Variants in PHF20 observed in about 807,000 individuals in gnomAD.
PHF20 encodes the protein PHD finger protein 20, also known as glioma-expressed antigen 2.
A neutral mutation model predicts 113.5 loss-of-function variants in PHF20; 23 were observed. That is an observed-to-expected ratio of 0.20 (90% confidence interval 0.15 to 0.29). The LOEUF is 0.29. Ranked by LOEUF, PHF20 falls within the 10% of genes least tolerant of loss-of-function variation. PHF20 has a pLI of 1.00. For missense variants in PHF20, 943 were observed against 1,219.6 expected (o/e 0.77, Z 3.38); for synonymous variants, 434 against 457.3 (o/e 0.95, Z 0.65).
At chr20:35,834,529 G>C (rs943408160) in intron 2 of PHF20, among the ~76,000 whole-genome samples, 3 of 152,026 alleles carry the variant, frequency 2.0e-5, no homozygotes, top group African/African-American at 7.2e-5. Flanking sequence ...GGGATTACAG[G>C]TGTGAGCCAC....
At chr20:35,863,453 G>T in intron 6 of PHF20, 53 bp downstream of exon 6, 1 of 1,488,308 alleles carries the variant, frequency 6.7e-7, no homozygotes, top group Non-Finnish European at 9.0e-7. Context: ...ATTCTTCTGT[G>T]GCCCTTTGTG....
At chr20:35,793,622 T>A (rs974274876) in intron 1 of PHF20, among the ~76,000 whole-genome samples, 6 of 151,784 alleles carry the variant, frequency 4.0e-5, no homozygotes, top group African/African-American at 1.5e-4. Context: ...CTAACAGCCG[T>A]ATCTAAAATA....
intron 2 of PHF20, among the ~76,000 whole-genome samples, chr20:35,804,973 C>T (rs937364029): frequency 6.6e-6 from 1 of 152,076 alleles, no homozygotes; most frequent in African/African-American, 2.4e-5. Flanking sequence ...GTGATCTTGG[C>T]TCACTGCAAT....
At chr20:35,892,554 CATT>C (rs1239875179) in intron 9 of PHF20, among the ~76,000 whole-genome samples, 15 of 152,072 alleles carry the variant, frequency 9.9e-5, no homozygotes, top group Non-Finnish European at 1.9e-4. Context: ...ATTTTCTCAT[CATT>C]AAAAAGTTAA....
In PHF20 at chr20:35,862,800, T is replaced by C. The variant is rs570839458; in HGVS notation, c.421-213T>C. On this transcript the variant is annotated intron_variant, in intron 5 of 17. Coordinates refer to ENST00000374012, the MANE Select transcript of PHF20 (RefSeq NM_016436.5). Reference sequence around the variant, plus strand: ...GACTTATTCGTCATAATAAGGGAGATTGCACTGTCTCCGGAATAATTGAAT... The same window carrying C: ...GACTTATTCGTCATAATAAGGGAGACTGCACTGTCTCCGGAATAATTGAAT... Among the ~76,000 whole-genome samples the C allele has an allele frequency of 1.6e-4, 25 of 152,328 alleles. 1 individual carries two copies. In the South Asian group the frequency reaches 4.8e-3, roughly 29 times the overall value.
intron 9 of PHF20, among the ~76,000 whole-genome samples, chr20:35,893,453 G>A (rs923581921): frequency 5.3e-5 from 8 of 152,088 alleles, no homozygotes; most frequent in African/African-American, 1.7e-4. Context: ...ACAGGCACAC[G>A]CCACCACAGC....
intron 2 of PHF20, among the ~76,000 whole-genome samples, chr20:35,826,209 A>G (rs562370720): frequency 2.0e-5 from 3 of 152,064 alleles, no homozygotes; most frequent in South Asian, 4.1e-4. Context: ...ACACTCGACT[A>G]ATTTTTGTAT....
chr20:35,836,148 A>G (rs577102652), intron 2 of PHF20, among the ~76,000 whole-genome samples: 1 of 151,980 alleles, frequency 6.6e-6, no homozygotes, highest in African/African-American at 2.4e-5. Context: ...AGCTGGGACA[A>G]CAGGCACACA....
At chr20:35,923,531 A>T (rs1267654914) in intron 13 of PHF20, among the ~76,000 whole-genome samples, 2 of 152,210 alleles carry the variant, frequency 1.3e-5, no homozygotes, top group African/African-American at 4.8e-5. Context: ...ATTTGTTGGT[A>T]CCTAATGCAC....
chr20:35,823,263 A>G (rs1362437333), intron 2 of PHF20, among the ~76,000 whole-genome samples: 1 of 152,010 alleles, frequency 6.6e-6, no homozygotes, highest in Non-Finnish European at 1.5e-5. Flanking sequence ...TTCAGAATAC[A>G]GTTGAGTTTT....
chr20:35,813,130 GC>G (rs1404037086), intron 2 of PHF20, among the ~76,000 whole-genome samples: 1 of 151,990 alleles, frequency 6.6e-6, no homozygotes, highest in Non-Finnish European at 1.5e-5. Context: ...ACCACGCCCG[GC>G]TAATTTTTTT....
At chr20:35,899,008 C>A (rs1454667696) in intron 9 of PHF20, among the ~76,000 whole-genome samples, 1 of 152,150 alleles carries the variant, frequency 6.6e-6, no homozygotes, top group Non-Finnish European at 1.5e-5. Context: ...CTTGGCCTCC[C>A]AAAGTACTAG....
chr20:35,848,393 G>A (rs1171430690), intron 4 of PHF20, among the ~76,000 whole-genome samples: 1 of 151,754 alleles, frequency 6.6e-6, no homozygotes, highest in Non-Finnish European at 1.5e-5. Context: ...TCAGCCTCCC[G>A]AGTAGCTGGG....
chr20:35,921,980 TTTTC>T (rs1357686659), intron 13 of PHF20, among the ~76,000 whole-genome samples: 3 of 152,228 alleles, frequency 2.0e-5, no homozygotes, highest in Non-Finnish European at 2.9e-5. Context: ...CTCTATTGAC[TTTTC>T]TATAAGTAGC....
intron 10 of PHF20, among the ~76,000 whole-genome samples, chr20:35,903,915 C>T (rs2055150637): frequency 6.6e-6 from 1 of 152,192 alleles, no homozygotes; most frequent in Admixed American, 6.5e-5. Flanking sequence ...AGGCATCACC[C>T]CTTACCTTTC....
At chr20:35,866,273 T>C (rs1314458383) in intron 6 of PHF20, among the ~76,000 whole-genome samples, 2 of 152,186 alleles carry the variant, frequency 1.3e-5, no homozygotes, top group Non-Finnish European at 2.9e-5. Flanking sequence ...AGTATATTTC[T>C]GTTGGACAGC....
chr20:35,926,388 C>T (rs1388620643), intron 13 of PHF20, among the ~76,000 whole-genome samples: 1 of 151,532 alleles, frequency 6.6e-6, no homozygotes, highest in African/African-American at 2.4e-5. Context: ...CAGGCGCCCG[C>T]CACCACGCCC....
rs137898297 is a variant in PHF20, at chr20:35,878,560, A to G, written c.1282+6731A>G. On this transcript the variant is annotated intron_variant, in intron 9 of 17. Coordinates refer to ENST00000374012, the MANE Select transcript of PHF20 (RefSeq NM_016436.5). Reference sequence around the variant, plus strand: ...AGGCACCATTCGTACTTGTTGGAATAGAAGGTTTTGCAGCAATTGTTGCAT... The same window carrying G: ...AGGCACCATTCGTACTTGTTGGAATGGAAGGTTTTGCAGCAATTGTTGCAT... 31 of 735,682 alleles carry G rather than the reference A, an allele frequency of 4.2e-5. No individual in the cohort carries two copies. The African/African-American group carries it at 4.4e-4, about 10-fold the overall frequency. 45.6% of individuals were successfully genotyped at this position (735,682 alleles called of 1,614,324 possible).
intron 6 of PHF20, among the ~76,000 whole-genome samples, chr20:35,863,827 G>A (rs577856222): frequency 6.6e-6 from 1 of 152,230 alleles, no homozygotes; most frequent in South Asian, 2.1e-4. Context: ...TGGGGACAAA[G>A]GAACATTGAA....
Sources: allele counts gnomAD v4.1 joint callset (sites outside exome capture counted in the v4.1 genomes callset), GRCh38; gene constraint gnomAD v4.1.1; transcripts MANE v1.5; gene names NCBI Gene and HGNC (gene_info 2026-07-23, HGNC 2026-07-21).